Variants in KIAA1217 observed in about 807,000 individuals in gnomAD.
KIAA1217 encodes the protein KIAA1217.
KIAA1217 carries 88 observed loss-of-function variants against 163.9 expected under a neutral mutation model. The ratio of observed to expected loss-of-function variants is 0.54; its 90% CI spans 0.45 to 0.64. The LOEUF is 0.64. KIAA1217 is among the 30% of genes least tolerant of loss of function. The pLI, the probability that KIAA1217 is intolerant of heterozygous loss-of-function variation, is 0.00. For missense variants in KIAA1217, 2,372 were observed against 2,475.0 expected (o/e 0.96, Z 0.88); for synonymous variants, 903 against 923.1 (o/e 0.98, Z 0.39).
chr10:24,337,352 T>C (rs1400306473), intron 2 of KIAA1217, among the ~76,000 whole-genome samples: 2 of 152,174 alleles, frequency 1.3e-5, no homozygotes, highest in African/African-American at 4.8e-5. Context: ...AAATGCAAAC[T>C]ACAGTTAGAT....
intron 3 of KIAA1217, among the ~76,000 whole-genome samples, chr10:24,430,695 G>C (rs2059535525): frequency 6.6e-6 from 1 of 152,168 alleles, no homozygotes; most frequent in Non-Finnish European, 1.5e-5. Context: ...ATGCAACCTA[G>C]ATCCCTCACC....
At chr10:23,840,827 AATG>A (rs1404122741) in intron 1 of KIAA1217, among the ~76,000 whole-genome samples, 5 of 152,228 alleles carry the variant, frequency 3.3e-5, no homozygotes, top group African/African-American at 1.2e-4. Context: ...CAGAACTGAT[AATG>A]ATCGACTTTC....
At chr10:23,950,180 C>T (rs1299954494) in intron 1 of KIAA1217, among the ~76,000 whole-genome samples, 3 of 152,182 alleles carry the variant, frequency 2.0e-5, no homozygotes, top group African/African-American at 7.2e-5. Flanking sequence ...TAGTTGTAAT[C>T]ATGGCAGTGA....
At chr10:23,891,454 T>A (rs1841413784) in intron 1 of KIAA1217, among the ~76,000 whole-genome samples, 1 of 151,890 alleles carries the variant, frequency 6.6e-6, no homozygotes, top group African/African-American at 2.4e-5. Flanking sequence ...CTCTGGCAGC[T>A]CTCTTGCCCT....
intron 2 of KIAA1217, among the ~76,000 whole-genome samples, chr10:24,224,896 G>T (rs1045166267): frequency 2.1e-5 from 3 of 143,570 alleles, no homozygotes; most frequent in African/African-American, 5.3e-5. Flanking sequence ...GCGCAGTCTC[G>T]GCTTACTGCA....
intron 2 of KIAA1217, among the ~76,000 whole-genome samples, chr10:24,328,195 T>G (rs2045189438): frequency 6.6e-6 from 1 of 152,100 alleles, no homozygotes; most frequent in Admixed American, 6.6e-5. Flanking sequence ...GGGAGATCAG[T>G]CTCAAATTCA....
At chr10:23,791,097 A>G (rs1286992894) in intron 1 of KIAA1217, among the ~76,000 whole-genome samples, 3 of 152,156 alleles carry the variant, frequency 2.0e-5, no homozygotes, top group Non-Finnish European at 4.4e-5. Flanking sequence ...AAATGAGGGG[A>G]AAAAAGACTC....
At chr10:24,301,558 A>T (rs1454405468) in intron 2 of KIAA1217, among the ~76,000 whole-genome samples, 1 of 152,006 alleles carries the variant, frequency 6.6e-6, no homozygotes, top group African/African-American at 2.4e-5. Flanking sequence ...CCTCCTCTCC[A>T]TTCCCCAAAC....
chr10:24,539,922 T>C (rs777034624), intron 17 of KIAA1217, among the ~76,000 whole-genome samples: 3 of 152,210 alleles, frequency 2.0e-5, no homozygotes, highest in Non-Finnish European at 2.9e-5. Context: ...CATATGCCTA[T>C]TGAGTGCTTT....
intron 1 of KIAA1217, among the ~76,000 whole-genome samples, chr10:23,934,705 T>C (rs1342636367): frequency 6.8e-6 from 1 of 147,370 alleles, no homozygotes; most frequent in Non-Finnish European, 1.5e-5. Context: ...GCAAGCTCTG[T>C]CTCCCGGGTT....
At chr10:23,857,026 A>G (rs1483931265) in intron 1 of KIAA1217, among the ~76,000 whole-genome samples, 1 of 152,164 alleles carries the variant, frequency 6.6e-6, no homozygotes, top group African/African-American at 2.4e-5. Flanking sequence ...ACTGTCCTGC[A>G]CCCACTGTCT....
intron 15 of KIAA1217, among the ~76,000 whole-genome samples, chr10:24,532,469 T>G (rs2073267403): frequency 6.6e-6 from 1 of 152,182 alleles, no homozygotes; most frequent in African/African-American, 2.4e-5. Context: ...GAGGACTGTA[T>G]TAGTCTGTTC....
intron 2 of KIAA1217, among the ~76,000 whole-genome samples, chr10:24,117,102 A>T (rs935503494): frequency 6.6e-5 from 10 of 152,016 alleles, no homozygotes; most frequent in African/African-American, 2.4e-4. Flanking sequence ...CAGTGGCTCA[A>T]TCTCGGCTCA....
intron 1 of KIAA1217, among the ~76,000 whole-genome samples, chr10:23,732,429 A>G (rs913785213): frequency 6.6e-6 from 1 of 152,172 alleles, no homozygotes; most frequent in Admixed American, 6.5e-5. Context: ...TAAATTGTAT[A>G]ACAACTCTTT....
In KIAA1217 at chr10:24,064,819, G is replaced by T. The variant is rs145146875; in HGVS notation, c.-171+57445G>T. ...TCTTAATTATTGCCCCAATTTCAGA[G>T]CCTGTTATTGGTCTATTCAGAGATT... is the stretch of plus-strand genomic sequence containing the variant. On this transcript the variant is annotated intron_variant, in intron 2 of 18. Coordinates refer to the KIAA1217 transcript ENST00000376462. Among the ~76,000 whole-genome samples the T allele has an allele frequency of 2.8e-3, 433 of 152,228 alleles. 1 individual carries two copies. Among genetic ancestry groups the T allele is most frequent in the Middle Eastern group, 6.8e-3 (2 of 294 alleles).
At chr10:24,323,742 C>T (rs2044473307) in intron 2 of KIAA1217, among the ~76,000 whole-genome samples, 1 of 151,060 alleles carries the variant, frequency 6.6e-6, no homozygotes, top group African/African-American at 2.4e-5. Context: ...AATGAGACTG[C>T]CCTAGATTCA....
rs1033808644 is a variant in KIAA1217, at chr10:24,494,963, G to T, written c.1785-184G>T. The T allele has an allele frequency of 2.0e-5, 12 of 597,792 alleles. No individual in the cohort carries two copies. In the African/African-American group the frequency reaches 2.2e-4, roughly 11 times the overall value. The allele number at this position is 597,792 out of a possible 1,614,324, so 37.0% of individuals were successfully genotyped here. A position where few individuals can be genotyped will look rare whatever the true frequency, so the allele number is the denominator to read the frequency against. ...TGAGCCTGGCTGCATTCCACCCCCA[G>T]TGTCAGGTGCACACCTGGGAAGCCT... is the stretch of plus-strand genomic sequence containing the variant. On this transcript the variant is annotated intron_variant, in intron 7 of 20. Coordinates refer to ENST00000376454, the MANE Select transcript of KIAA1217 (RefSeq NM_019590.5).
chr10:24,213,845 G>A (rs1196175233), intron 1 of KIAA1217, among the ~76,000 whole-genome samples: 1 of 152,174 alleles, frequency 6.6e-6, no homozygotes, highest in Non-Finnish European at 1.5e-5. Flanking sequence ...GGTTTCAGCT[G>A]TAATTTCTGT....
chr10:24,475,542 A>G (rs1383179013), intron 6 of KIAA1217, among the ~76,000 whole-genome samples: 1 of 152,240 alleles, frequency 6.6e-6, no homozygotes, highest in African/African-American at 2.4e-5. Context: ...TTAATGAAAC[A>G]AAAGTTCTAA....
Sources: allele counts gnomAD v4.1 joint callset (sites outside exome capture counted in the v4.1 genomes callset), GRCh38; gene constraint gnomAD v4.1.1; transcripts MANE v1.5; gene names NCBI Gene and HGNC (gene_info 2026-07-23, HGNC 2026-07-21).